PBXIP1: variants seen among roughly 807,000 people sequenced by gnomAD.
The protein encoded by PBXIP1 is pre-B-cell leukemia transcription factor-interacting protein 1.
A neutral mutation model predicts 73.7 loss-of-function variants in PBXIP1; 73 were observed. The ratio of observed to expected loss-of-function variants is 0.99; its 90% CI spans 0.82 to 1.20. The LOEUF is 1.20. Ranked by LOEUF, PBXIP1 falls within the 50% of genes most tolerant of loss-of-function variation. The pLI, the probability that PBXIP1 is intolerant of heterozygous loss-of-function variation, is 0.00. For synonymous variants in PBXIP1, 330 were observed against 366.9 expected (o/e 0.90, Z 1.15); for missense variants, 818 against 911.4 (o/e 0.90, Z 1.32).
intron 1 of PBXIP1, among the ~76,000 whole-genome samples, chr1:154,955,264 GCTGA>G (rs1387126105): frequency 4.6e-5 from 7 of 152,000 alleles, no homozygotes; most frequent in African/African-American, 1.7e-4. Flanking sequence ...ATCCCCAGTT[GCTGA>G]CTGTTAACAG....
At chr1:154,947,575 A>G in intron 8 of PBXIP1, 27 bp from the exon 9 acceptor site, 3 of 1,604,460 alleles carry the variant, frequency 1.9e-6, no homozygotes, top group Non-Finnish European at 2.6e-6. Context: ...CTGTTATGCC[A>G]TGCTACCCCA....
chr1:154,954,362 T>G (rs977473382), intron 1 of PBXIP1, among the ~76,000 whole-genome samples: 1 of 152,170 alleles, frequency 6.6e-6, no homozygotes, highest in Non-Finnish European at 1.5e-5. Flanking sequence ...TCAATTGAGT[T>G]GGGGGGTAGG....
In PBXIP1 at chr1:154,951,606, C is replaced by T. The variant is rs921057305; in HGVS notation, c.179-71G>A. 1.3e-6 allele frequency: 2 copies of T among 1,513,998 alleles called. No homozygotes were observed. Among genetic ancestry groups the T allele is most frequent in the African/African-American group, 2.7e-5 (2 of 72,826 alleles). 93.8% of individuals were successfully genotyped at this position (1,513,998 alleles called of 1,614,324 possible). A position where few individuals can be genotyped will look rare whatever the true frequency, so the allele number is the denominator to read the frequency against. ...ATTTCCTTTGCAGCCCTCTGTCCAT[C>T]CCACGGGCCCCTACCAGGTTGGAAG... On this transcript the variant is annotated intron_variant, in intron 3 of 10. Coordinates refer to ENST00000368463, the MANE Select transcript of PBXIP1 (RefSeq NM_020524.4). The surrounding 1 kb of genome is among the most constrained non-coding windows in gnomAD (Gnocchi z 4.3).
chr1:154,948,239 C>T lies in PBXIP1; in HGVS notation c.537G>A (p.Glu179=). 3.7e-6 allele frequency: 6 copies of T among 1,612,526 alleles called. No individual in the cohort carries two copies. The highest frequency in any genetic ancestry group is 5.1e-6 in the Non-Finnish European group (6 of 1,179,394). ...CTGCACCCTCACCCCCAGCCTGGTTCTCCACAGCCAGGGGCACCATGGGCT... is the reference window on the plus strand; with the variant it reads ...CTGCACCCTCACCCCCAGCCTGGTTTTCCACAGCCAGGGGCACCATGGGCT... ...PPQPMVPLAV[E]NQAGGEGAGG... is the part of the protein sequence containing the mutation. The change falls in exon 6 of 11, where the codon GAG becomes GAA. Residue 179 remains glutamate, a synonymous_variant. Transcript: ENST00000368463.
rs368405672 is a variant in PBXIP1, at chr1:154,947,533, G to A, written c.754C>T (p.Gln252Ter). ...TCAGGAGGCACTGGGGCCTGCAGCT[G>A]TTCCCTTAGCCCATCCTGAGGGCAG... is the stretch of plus-strand genomic sequence containing the variant. ...VGDRQDGLRE[Q>*]LQAPVPPDSV... The change falls in exon 9 of 11, where the codon CAG becomes TAG. Residue 252 changes from glutamine to a stop codon, truncating the protein, a stop_gained. Transcript: ENST00000368463. LOFTEE classifies it high-confidence loss of function. 19 of 1,606,118 alleles carry A rather than the reference G, an allele frequency of 1.2e-5. No individual in the cohort carries two copies. Among genetic ancestry groups the A allele is most frequent in the Non-Finnish European group, 1.6e-5 (19 of 1,174,834 alleles).
Position 154,951,854 on chromosome 1 carries a change from G to A in PBXIP1, c.119C>T (p.Ala40Val). Residue 40 changes from alanine (A) to valine (V), a missense_variant, in exon 3 of 11, where the codon GCC becomes GTC. By Grantham distance (64) the Ala-to-Val change is moderately conservative (BLOSUM62 0). Transcript: ENST00000368463. The surrounding 1 kb of genome is among the most constrained non-coding windows in gnomAD (Gnocchi z 4.3). The stretch of plus-strand genomic sequence containing the variant: ...ATCTGTCTTGGAGGGGCTGTGAGGG[G>A]CCTGCAGGGCTCTCTCAGATTCTGG... ...MDPESERALQAPHSPSKTDGK... is the reference protein window; with the variant it reads ...MDPESERALQVPHSPSKTDGK... The A allele has an allele frequency of 1.2e-6, 2 of 1,613,306 alleles. No homozygotes were observed. Among genetic ancestry groups the A allele is most frequent in the Non-Finnish European group, 8.5e-7 (1 of 1,179,470 alleles).
chr1:154,953,182 T>C (rs1224934055), intron 2 of PBXIP1, among the ~76,000 whole-genome samples: 2 of 152,034 alleles, frequency 1.3e-5, no homozygotes, highest in Non-Finnish European at 2.9e-5. Context: ...CCTGAGACAA[T>C]GATTGTCCTG....
Position 154,945,185 on chromosome 1 carries a change from G to T in PBXIP1, c.2103-68C>A, listed in dbSNP as rs576843700. 25 of 1,178,530 alleles carry T rather than the reference G, an allele frequency of 2.1e-5. 1 individual carries two copies. The East Asian group carries it at 6.0e-4, about 28-fold the overall frequency. The allele number at this position is 1,178,530 out of a possible 1,614,324, so 73.0% of individuals were successfully genotyped here. A position where few individuals can be genotyped will look rare whatever the true frequency, so the allele number is the denominator to read the frequency against. On this transcript the variant is annotated intron_variant, in intron 10 of 10. Transcript: ENST00000368463. ...GAAAACGGGTTCCCCAAGGAGAGAG[G>T]ACCCTGCTCCTCCCAATGAAGCTGA... is the stretch of plus-strand genomic sequence containing the variant.
intron 2 of PBXIP1, among the ~76,000 whole-genome samples, chr1:154,952,575 C>G (rs1475206318): frequency 6.6e-6 from 1 of 152,190 alleles, no homozygotes; most frequent in Non-Finnish European, 1.5e-5. Context: ...CCACCCGCCC[C>G]GTGGCTCCAA....
rs1230135338 is a variant in PBXIP1 at position 154,944,792 on chromosome 1, C to T, written c.*232G>A. ...TTCACAGTGACAAAACACAAGCCCA[C>T]ATCCCAGGGCCTGGAGTATTTGCAT... On this transcript the variant is annotated 3_prime_UTR_variant, in exon 11 of 11. Transcript: ENST00000368463. 1 of 492,324 alleles carries T rather than the reference C, an allele frequency of 2.0e-6. No individual in the cohort carries two copies. The highest frequency in any genetic ancestry group is 5.4e-4 in the Middle Eastern group (1 of 1,848). The allele number at this position is 492,324 out of a possible 1,614,324, so 30.5% of individuals were successfully genotyped here.
Position 154,945,508 on chromosome 1 carries a change from T to A in PBXIP1, c.2102+64A>T. On this transcript the variant is annotated intron_variant, in intron 10 of 10. Coordinates refer to ENST00000368463, the MANE Select transcript of PBXIP1 (RefSeq NM_020524.4). The stretch of plus-strand genomic sequence containing the variant: ...GTAAGGATACTCAAACTAATGATCC[T>A]TGCTCTTCACATCCTCCCGACTGCC... The A allele has an allele frequency of 2.0e-6, 3 of 1,512,264 alleles. No individual in the cohort carries two copies. In the South Asian group the frequency reaches 3.7e-5, roughly 19 times the overall value. 93.7% of individuals were successfully genotyped at this position (1,512,264 alleles called of 1,614,324 possible).
rs572343607 is a variant in PBXIP1 at position 154,945,092 on chromosome 1, G to A, written c.2128C>T (p.Gln710Ter). ...KRSGKKDKHS[Q>*]SPRAAGPREG... Reference sequence around the variant, plus strand: ...CTGGGCCCCGCAGCTCTTGGGCTCTGTGAGTGCTTGTCCTTCTTCCCTGAC... The same window carrying A: ...CTGGGCCCCGCAGCTCTTGGGCTCTATGAGTGCTTGTCCTTCTTCCCTGAC... The change falls in exon 11 of 11, where the codon CAG (glutamine) becomes TAG (stop). Residue 710 changes from glutamine to a stop codon, truncating the protein, a stop_gained. Coordinates refer to ENST00000368463, the MANE Select transcript of PBXIP1 (RefSeq NM_020524.4). LOFTEE classifies it low-confidence loss of function (END_TRUNC). 1.9e-6 allele frequency: 3 copies of A among 1,614,016 alleles called. No homozygotes were observed. Among genetic ancestry groups the A allele is most frequent in the African/African-American group, 2.7e-5 (2 of 75,066 alleles).
Position 154,946,609 on chromosome 1 carries a change from A to T in PBXIP1, c.1065T>A (p.Ser355Arg), listed in dbSNP as rs1014766214. ...CVRGPDGVCLSGGRGPQGDKA... is the reference protein window; with the variant it reads ...CVRGPDGVCLRGGRGPQGDKA... Reference sequence around the variant, plus strand: ...TGTCACCCTGTGGGCCTCTACCCCCACTGAGGCACACCCCATCTGGGCCCC... The same window carrying T: ...TGTCACCCTGTGGGCCTCTACCCCCTCTGAGGCACACCCCATCTGGGCCCC... Residue 355 changes from serine (S) to arginine (R), a missense_variant, in exon 10 of 11, where the codon AGT becomes AGA. Physicochemically the swap from Ser to Arg is moderately radical, Grantham distance 110 (BLOSUM62 -1). Coordinates refer to ENST00000368463, the MANE Select transcript of PBXIP1 (RefSeq NM_020524.4). The T allele has an allele frequency of 1.9e-6, 3 of 1,612,560 alleles. No homozygotes were observed. The highest frequency in any genetic ancestry group is 2.7e-5 in the African/African-American group (2 of 74,848).
rs769098602 is a variant in PBXIP1, at chr1:154,951,447, C to T, written c.243+24G>A. On this transcript the variant is annotated intron_variant, in intron 4 of 10. Transcript: ENST00000368463. This position sits in a 1 kb window ranked among gnomAD's most constrained non-coding sequence, Gnocchi z 4.3. ...GCTGCTAGCCCTCCCCGCCTCCCTT[C>T]CTTCCCACAGCAAATCTCCTCACCT... 1 of 1,614,086 alleles carries T rather than the reference C, an allele frequency of 6.2e-7. No homozygotes were observed. The highest frequency in any genetic ancestry group is 8.5e-7 in the Non-Finnish European group (1 of 1,179,950).
At chr1:154,954,848 G>T in intron 1 of PBXIP1, 1 of 341,166 alleles carries the variant, frequency 2.9e-6, no homozygotes, top group Non-Finnish European at 4.1e-6. Context: ...CCTCTCAAGA[G>T]TACTGGATTG....
In PBXIP1 at chr1:154,947,666, C is replaced by G. The variant is rs1654873895; in HGVS notation, c.714G>C (p.Val238=). ...VERQVLPDPE[V]LEAVGDRQDG... ...CCTGCCTGTCCCCCACAGCTTCCAG[C>G]ACCTCGGGGTCTGGGAGGACCTGCC... is the stretch of plus-strand genomic sequence containing the variant. Residue 238 remains valine, a synonymous_variant, in exon 8 of 11, where the codon GTG becomes GTC. Transcript: ENST00000368463. The G allele has an allele frequency of 6.2e-7, 1 of 1,613,970 alleles. No homozygotes were observed. The highest frequency in any genetic ancestry group is 1.3e-5 in the African/African-American group (1 of 75,028).
chr1:154,946,795 CT>C lies in PBXIP1; in HGVS notation c.878del (p.Lys293ArgfsTer7). 6.5e-7 allele frequency: 1 copy of C among 1,530,020 alleles called. No homozygotes were observed. The highest frequency in any genetic ancestry group is 8.8e-7 in the Non-Finnish European group (1 of 1,139,886). 94.8% of individuals were successfully genotyped at this position (1,530,020 alleles called of 1,614,324 possible). A position where few individuals can be genotyped will look rare whatever the true frequency, so the allele number is the denominator to read the frequency against. On this transcript the variant is annotated frameshift_variant, in exon 10 of 11. Coordinates refer to ENST00000368463, the MANE Select transcript of PBXIP1 (RefSeq NM_020524.4). LOFTEE classifies it high-confidence loss of function. ...GGTGCATCAGGCTCTGAAGCTCTTC[CT>C]TTTGGGCCTAGAATATGGTTTGGGA... is the stretch of plus-strand genomic sequence containing the variant. ...RLLQAQLQAQ[K>X]EELQSLMHQP...
At position 154,951,863 on chromosome 1, in the gene PBXIP1, G is replaced by C. The variant is rs1298232457; in HGVS notation, c.110C>G (p.Ala37Gly). Residue 37 changes from alanine (A) to glycine (G), a missense_variant, in exon 3 of 11, where the codon GCC becomes GGC. Transcript: ENST00000368463. The surrounding 1 kb of genome is among the most constrained non-coding windows in gnomAD (Gnocchi z 4.3). ...ASRMDPESER[A>G]LQAPHSPSKT... ...GGAGGGGCTGTGAGGGGCCTGCAGG[G>C]CTCTCTCAGATTCTGGGTCCATCCT... 18 of 1,613,282 alleles carry C rather than the reference G, an allele frequency of 1.1e-5. No individual in the cohort carries two copies. In the South Asian group the frequency reaches 2.0e-4, roughly 18 times the overall value.
At position 154,947,308 on chromosome 1, in the gene PBXIP1, G is replaced by A. The variant is rs752635813; in HGVS notation, c.870+109C>T. The A allele has an allele frequency of 3.1e-6, 4 of 1,291,412 alleles. No individual in the cohort carries two copies. The African/African-American group carries it at 5.8e-5, about 19-fold the overall frequency. 80.0% of individuals were successfully genotyped at this position (1,291,412 alleles called of 1,614,324 possible). The stretch of plus-strand genomic sequence containing the variant: ...CCCTGACTATAGTGGGAGAGGGGAG[G>A]GTCAGGATGTGTGGGTAAATAGGAA... On this transcript the variant is annotated intron_variant, in intron 9 of 10. Transcript: ENST00000368463.
Sources: gnomAD v4.1 joint callset for allele counts (sites outside exome capture counted in the v4.1 genomes callset) on GRCh38, gnomAD v4.1.1 for gene constraint, Gnocchi (gnomAD v3.1) non-coding constraint, MANE v1.5 for transcripts, NCBI Gene and HGNC (gene_info 2026-07-23, HGNC 2026-07-21) for gene names.